Variants in FBXO11 observed in about 807,000 individuals in gnomAD.
The protein encoded by FBXO11 is F-box only protein 11.
Under a neutral mutation model 117.0 loss-of-function variants are expected in FBXO11, and 13 were observed. That is an observed-to-expected ratio of 0.11 (90% confidence interval 0.07 to 0.18). The LOEUF (loss-of-function observed/expected upper bound fraction) is 0.18, where lower values mean the gene tolerates loss of function less well. Among genes scored for constraint, FBXO11 ranks in the 10% least tolerant of loss-of-function variants. FBXO11 has a pLI of 1.00. For missense variants in FBXO11, 767 were observed against 1,164.4 expected (o/e 0.66, Z 4.97); for synonymous variants, 490 against 380.5 (o/e 1.29, Z -3.35).
chr2:47,898,921 T>G (rs1279655518), intron 1 of FBXO11, among the ~76,000 whole-genome samples: 1 of 152,096 alleles, frequency 6.6e-6, no homozygotes, highest in Non-Finnish European at 1.5e-5. Flanking sequence ...CATTGTTGTA[T>G]AGCTGAGCCT....
chr2:47,848,037 T>C (rs989707960), intron 1 of FBXO11, among the ~76,000 whole-genome samples: 14 of 150,654 alleles, frequency 9.3e-5, no homozygotes, highest in African/African-American at 2.0e-4. Context: ...GGCAGGAGAA[T>C]GCTGTGAACC....
intron 1 of FBXO11, among the ~76,000 whole-genome samples, chr2:47,868,488 T>C (rs1405742337): frequency 1.3e-5 from 2 of 152,162 alleles, no homozygotes; most frequent in Admixed American, 6.5e-5. Flanking sequence ...CTTGAAATAT[T>C]TGTTTGAATT....
chr2:47,893,070 G>C (rs1205253530), intron 1 of FBXO11, among the ~76,000 whole-genome samples: 1 of 151,922 alleles, frequency 6.6e-6, no homozygotes, highest in Non-Finnish European at 1.5e-5. Flanking sequence ...CACAAGAACT[G>C]CTTGAACCCA....
At chr2:47,843,284 CAT>C (rs1230605901) in intron 1 of FBXO11, among the ~76,000 whole-genome samples, 1 of 152,186 alleles carries the variant, frequency 6.6e-6, no homozygotes. Context: ...AGGGTTTAAA[CAT>C]GTCTAAAAAG....
intron 12 of FBXO11, among the ~76,000 whole-genome samples, chr2:47,822,709 G>C (rs968368068): frequency 6.6e-6 from 1 of 152,170 alleles, no homozygotes; most frequent in Non-Finnish European, 1.5e-5. Flanking sequence ...GAAAATGACA[G>C]CTTGCAGTTT....
rs1670449692 is a variant in FBXO11 at position 47,809,282 on chromosome 2, G to A, written c.2447-16C>T. On this transcript the variant is annotated splice_polypyrimidine_tract_variant and intron_variant, in intron 20 of 22. Coordinates refer to ENST00000403359, the MANE Select transcript of FBXO11 (RefSeq NM_001190274.2). ...ATTTTGTTATCTGTAATAAAAGAAA[G>A]AATAAGTAAAAATTCAGAGGAATGT... is the stretch of plus-strand genomic sequence containing the variant. The A allele has an allele frequency of 3.4e-6, 5 of 1,459,192 alleles. No individual in the cohort carries two copies. The South Asian group carries it at 6.1e-5, about 18-fold the overall frequency. The allele number at this position is 1,459,192 out of a possible 1,614,324, so 90.4% of individuals were successfully genotyped here. A position where few individuals can be genotyped will look rare whatever the true frequency, so the allele number is the denominator to read the frequency against.
intron 7 of FBXO11, among the ~76,000 whole-genome samples, chr2:47,833,508 T>C (rs923452077): frequency 6.6e-6 from 1 of 152,036 alleles, no homozygotes; most frequent in African/African-American, 2.4e-5. Flanking sequence ...CATGAGGAGA[T>C]AGAGGAAGAA....
intron 13 of FBXO11, among the ~76,000 whole-genome samples, chr2:47,821,856 C>G (rs1671414099): frequency 6.6e-6 from 1 of 152,076 alleles, no homozygotes; most frequent in Non-Finnish European, 1.5e-5. Flanking sequence ...TTTTGGGAGA[C>G]CAAGGCGGGA....
chr2:47,835,814 A>C, intron 5 of FBXO11, 58 bp downstream of exon 5: 1 of 1,389,568 alleles, frequency 7.2e-7, no homozygotes, highest in Non-Finnish European at 9.7e-7. Context: ...TATTTCTTAA[A>C]AGAAAGTTAT....
intron 1 of FBXO11, among the ~76,000 whole-genome samples, chr2:47,873,534 C>T (rs963108665): frequency 2.0e-5 from 3 of 151,708 alleles, no homozygotes; most frequent in Admixed American, 6.6e-5. Flanking sequence ...CTTCCCAGTG[C>T]TCCTGGGTTT....
At chr2:47,841,221 A>C (rs1056089005) in intron 1 of FBXO11, among the ~76,000 whole-genome samples, 1 of 152,066 alleles carries the variant, frequency 6.6e-6, no homozygotes, top group Non-Finnish European at 1.5e-5. Context: ...AAACCAAAAA[A>C]CAAAACTGGT....
At chr2:47,884,220 A>C (rs1676647742) in intron 1 of FBXO11, among the ~76,000 whole-genome samples, 1 of 152,208 alleles carries the variant, frequency 6.6e-6, no homozygotes, top group South Asian at 2.1e-4. Flanking sequence ...CTCCGTCTCA[A>C]GAAATAAATA....
chr2:47,846,323 C>T (rs1673404367), intron 1 of FBXO11, among the ~76,000 whole-genome samples: 1 of 152,148 alleles, frequency 6.6e-6, no homozygotes, highest in Admixed American at 6.5e-5. Flanking sequence ...CAAAATTAGC[C>T]AGGTTTGGTG....
At position 47,834,980 on chromosome 2, in the gene FBXO11, C is replaced by T. The variant is rs1052573274; in HGVS notation, c.718-109G>A. On this transcript the variant is annotated intron_variant, in intron 5 of 22. Transcript: ENST00000403359. ...TTTATTACAAATCAAAAATAATTCTCAACTATTCCAAATAATTTTCTGTCA... is the reference window on the plus strand; with the variant it reads ...TTTATTACAAATCAAAAATAATTCTTAACTATTCCAAATAATTTTCTGTCA... 5.3e-6 allele frequency: 4 copies of T among 749,996 alleles called. No homozygotes were observed. The African/African-American group carries it at 5.3e-5, about 10-fold the overall frequency. 46.5% of individuals were successfully genotyped at this position (749,996 alleles called of 1,614,324 possible).
chr2:47,816,282 C>A (rs537810841), intron 16 of FBXO11, among the ~76,000 whole-genome samples: 1 of 152,132 alleles, frequency 6.6e-6, no homozygotes, highest in Non-Finnish European at 1.5e-5. Context: ...TGGGCTCAAG[C>A]GATCCTCCCA....
intron 1 of FBXO11, among the ~76,000 whole-genome samples, chr2:47,860,342 A>G (rs946233751): frequency 1.3e-5 from 2 of 152,164 alleles, no homozygotes; most frequent in Admixed American, 6.5e-5. Flanking sequence ...ATGGCTAGCT[A>G]ATAAATTTAA....
chr2:47,904,570 G>A (rs1288805188), intron 1 of FBXO11, among the ~76,000 whole-genome samples: 1 of 139,596 alleles, frequency 7.2e-6, no homozygotes, highest in East Asian at 2.2e-4. Context: ...ACACACACGC[G>A]CGCGCGCGCA....
chr2:47,906,411 C>T lies in FBXO11; in HGVS notation c.-691G>A, dbSNP rs1678819062. Among the ~76,000 whole-genome samples the T allele has an allele frequency of 6.6e-6, 1 of 152,200 alleles. No individual in the cohort carries two copies. Among genetic ancestry groups the T allele is most frequent in the South Asian group, 2.1e-4 (1 of 4,834 alleles). On this transcript the variant is annotated 5_prime_UTR_variant, in exon 1 of 23. Coordinates refer to ENST00000403359, the MANE Select transcript of FBXO11 (RefSeq NM_001190274.2). The stretch of plus-strand genomic sequence containing the variant: ...CTCCTCCTTAAAGGAACCTTTCCTC[C>T]TCCTCCTCGTCAGCCCTGTCGCCGC...
At chr2:47,887,003 A>C (rs1244127799) in intron 1 of FBXO11, among the ~76,000 whole-genome samples, 1 of 152,148 alleles carries the variant, frequency 6.6e-6, no homozygotes, top group African/African-American at 2.4e-5. Flanking sequence ...AAAGAGCGAC[A>C]GGGCAGACAC....
Sources: gnomAD v4.1 joint callset for allele counts (sites outside exome capture counted in the v4.1 genomes callset) on GRCh38, gnomAD v4.1.1 for gene constraint, MANE v1.5 for transcripts, NCBI Gene and HGNC (gene_info 2026-07-23, HGNC 2026-07-21) for gene names.